Variants in LRMDA observed in about 807,000 individuals in gnomAD.
LRMDA encodes leucine-rich melanocyte differentiation-associated protein.
Under a neutral mutation model 29.8 loss-of-function variants are expected in LRMDA, and 18 were observed. The observed-to-expected ratio is 0.60, with a 90% CI of 0.42 to 0.90. The LOEUF is 0.90. Among genes scored for constraint, LRMDA ranks in the 40% least tolerant of loss-of-function variants. The pLI, the probability that LRMDA is intolerant of heterozygous loss-of-function variation, is 0.00. For synonymous variants in LRMDA, 125 were observed against 109.4 expected, an observed-to-expected ratio of 1.14 and a Z score of -0.89; for missense variants, 273 against 273.9, an observed-to-expected ratio of 1.00 and a Z score of 0.02.
At chr10:75,736,176 A>C (rs1175949917) in intron 2 of LRMDA, among the ~76,000 whole-genome samples, 1 of 152,258 alleles carries the variant, frequency 6.6e-6, no homozygotes, top group African/African-American at 2.4e-5. Context: ...GTTTGCAGTT[A>C]TAGCTATAGT....
chr10:76,135,390 A>G (rs901672976), intron 5 of LRMDA, among the ~76,000 whole-genome samples: 1 of 152,190 alleles, frequency 6.6e-6, no homozygotes, highest in African/African-American at 2.4e-5. Context: ...CACCACAATG[A>G]ATGGAGTTTT....
At chr10:75,494,446 A>C (rs905138865) in intron 2 of LRMDA, among the ~76,000 whole-genome samples, 1 of 151,036 alleles carries the variant, frequency 6.6e-6, no homozygotes, top group Non-Finnish European at 1.5e-5. Context: ...TATCAGTTAG[A>C]ATTAGGTTCA....
At chr10:75,946,150 T>C (rs1414849329) in intron 2 of LRMDA, among the ~76,000 whole-genome samples, 2 of 152,166 alleles carry the variant, frequency 1.3e-5, no homozygotes, top group Non-Finnish European at 2.9e-5. Context: ...GGACTGCTTT[T>C]TTCTCTTCCA....
intron 2 of LRMDA, among the ~76,000 whole-genome samples, chr10:75,438,705 C>T (rs537342187): frequency 6.6e-6 from 1 of 152,304 alleles, no homozygotes; most frequent in African/African-American, 2.4e-5. Context: ...GCTGAAGAGG[C>T]AGGCAGCATA....
chr10:75,608,129 T>TACACACAC (rs71477024), intron 2 of LRMDA, among the ~76,000 whole-genome samples: 31 of 89,534 alleles, frequency 3.5e-4, no homozygotes, highest in Non-Finnish European at 5.4e-4. Flanking sequence ...TATATATATA[T>TACACACAC]ACACACACAT....
At chr10:75,894,045 A>G (rs1477229852) in intron 2 of LRMDA, among the ~76,000 whole-genome samples, 2 of 151,458 alleles carry the variant, frequency 1.3e-5, no homozygotes, top group Admixed American at 6.6e-5. Flanking sequence ...TTATTTTTCC[A>G]TAAGTTATTG....
chr10:76,258,929 G>A (rs937457284), intron 5 of LRMDA, among the ~76,000 whole-genome samples: 3 of 152,112 alleles, frequency 2.0e-5, no homozygotes, highest in African/African-American at 7.2e-5. Context: ...ATAAATATGG[G>A]AGTGCAGATG....
chr10:76,368,059 T>C (rs1015390489), intron 6 of LRMDA, among the ~76,000 whole-genome samples: 3 of 152,174 alleles, frequency 2.0e-5, no homozygotes, highest in South Asian at 2.1e-4. Flanking sequence ...CTGCCTTTTG[T>C]TTCATTTATC....
chr10:76,115,886 C>G (rs1314196644), intron 5 of LRMDA, among the ~76,000 whole-genome samples: 2 of 152,086 alleles, frequency 1.3e-5, no homozygotes, highest in African/African-American at 4.8e-5. Context: ...AGCCGGCGAC[C>G]TTTCTCTGAT....
chr10:75,604,033 C>T (rs1242015909), intron 2 of LRMDA, among the ~76,000 whole-genome samples: 1 of 152,144 alleles, frequency 6.6e-6, no homozygotes, highest in African/African-American at 2.4e-5. Context: ...TTTCCCCATA[C>T]ATTGTAATGA....
intron 5 of LRMDA, among the ~76,000 whole-genome samples, chr10:76,144,955 T>C (rs1473719111): frequency 6.6e-6 from 1 of 152,220 alleles, no homozygotes; most frequent in Admixed American, 6.5e-5. Context: ...GATAATCCTG[T>C]GGTTTTTGTC....
intron 2 of LRMDA, among the ~76,000 whole-genome samples, chr10:75,952,811 C>T (rs1846599507): frequency 6.6e-6 from 1 of 152,096 alleles, no homozygotes. Context: ...GGCTGGAGTG[C>T]AGTGGTGCTC....
At chr10:76,424,381 A>C (rs546815162) in intron 6 of LRMDA, among the ~76,000 whole-genome samples, 7 of 152,192 alleles carry the variant, frequency 4.6e-5, no homozygotes, top group East Asian at 1.9e-4. Flanking sequence ...TACAAAAAAA[A>C]CAAAAAAATT....
chr10:76,011,793 T>C (rs193138582), intron 2 of LRMDA, among the ~76,000 whole-genome samples: 46 of 152,328 alleles, frequency 3.0e-4, no homozygotes, highest in Non-Finnish European at 5.9e-4. Flanking sequence ...GGATTGGCTT[T>C]GGGCAGGTGG....
chr10:75,772,869 T>TGGGGG (rs1554824987), intron 2 of LRMDA, among the ~76,000 whole-genome samples: 27 of 49,770 alleles, frequency 5.4e-4, no homozygotes, highest in Non-Finnish European at 9.2e-4. Flanking sequence ...GGGGGTGGGA[T>TGGGGG]GGGGGGGGGC....
chr10:75,452,575 C>CTTTTTTT (rs10636455), intron 2 of LRMDA, among the ~76,000 whole-genome samples: 24 of 117,312 alleles, frequency 2.0e-4, no homozygotes, highest in African/African-American at 7.2e-4. Context: ...CAGGATATGA[C>CTTTTTTT]TTTTTTTTTT....
At chr10:76,061,066 A>G (rs757997810) in intron 5 of LRMDA, among the ~76,000 whole-genome samples, 27 of 152,174 alleles carry the variant, frequency 1.8e-4, no homozygotes, top group Non-Finnish European at 3.5e-4. Flanking sequence ...AAAGACACAT[A>G]CATGTGGATA....
At chr10:76,431,116 G>A (rs1035585645) in intron 6 of LRMDA, among the ~76,000 whole-genome samples, 5 of 152,146 alleles carry the variant, frequency 3.3e-5, no homozygotes, top group Admixed American at 1.3e-4. Flanking sequence ...CTCTCCCTGG[G>A]AGGAAGAAGC....
chr10:75,490,581 A>G (rs1844974307), intron 2 of LRMDA, among the ~76,000 whole-genome samples: 1 of 152,180 alleles, frequency 6.6e-6, no homozygotes, highest in African/African-American at 2.4e-5. Context: ...TTGAACAAAC[A>G]TATGGAGACA....
Sources: gnomAD v4.1 joint callset for allele counts (sites outside exome capture counted in the v4.1 genomes callset) on GRCh38, gnomAD v4.1.1 for gene constraint, MANE v1.5 for transcripts, NCBI Gene and HGNC (gene_info 2026-07-23, HGNC 2026-07-21) for gene names.